The following PRKG1 variants were observed in gnomAD, a reference collection of about 807,000 sequenced individuals.
PRKG1 encodes protein kinase cGMP-dependent 1.
Under a neutral mutation model 88.1 loss-of-function variants are expected in PRKG1, and 35 were observed. That is an observed-to-expected ratio of 0.40 (90% CI 0.30 to 0.53). The LOEUF (loss-of-function observed/expected upper bound fraction) is 0.53, where lower values mean the gene tolerates loss of function less well. Ranked by LOEUF, PRKG1 falls within the 20% of genes least tolerant of loss-of-function variation. The pLI is 0.59. For missense variants in PRKG1, 540 were observed against 839.8 expected (o/e 0.64, Z 4.41); for synonymous variants, 303 against 292.5 (o/e 1.04, Z -0.37).
intron 9 of PRKG1, among the ~76,000 whole-genome samples, chr10:52,173,336 T>G (rs551453109): frequency 6.6e-6 from 1 of 152,318 alleles, no homozygotes; most frequent in African/African-American, 2.4e-5. Flanking sequence ...CAATTTTCTT[T>G]CGAATATGGC....
chr10:51,082,399 CTT>C (rs1272417393), intron 1 of PRKG1, among the ~76,000 whole-genome samples: 1 of 152,164 alleles, frequency 6.6e-6, no homozygotes, highest in Admixed American at 6.5e-5. Flanking sequence ...GGTTCCCAAA[CTT>C]TCCTGCGCAT....
chr10:51,098,424 G>A (rs1241713846), intron 1 of PRKG1, among the ~76,000 whole-genome samples: 1 of 152,134 alleles, frequency 6.6e-6, no homozygotes, highest in Non-Finnish European at 1.5e-5. Flanking sequence ...TGGGTTGTGA[G>A]TAACAGAACA....
intron 3 of PRKG1, chr10:51,697,993 C>T (rs1366835765): frequency 1.2e-6 from 2 of 1,611,744 alleles, no homozygotes; most frequent in South Asian, 1.1e-5. Flanking sequence ...TGCCTGCTCC[C>T]TGCATGCCTG....
At chr10:51,016,903 A>G (rs1283264455) in intron 1 of PRKG1, among the ~76,000 whole-genome samples, 1 of 151,168 alleles carries the variant, frequency 6.6e-6, no homozygotes, top group East Asian at 1.9e-4. Context: ...TCCTGACCTC[A>G]TGATCTGCCC....
chr10:51,676,461 C>CAAAAAAAA (rs375581966), intron 3 of PRKG1, among the ~76,000 whole-genome samples: 1 of 92,744 alleles, frequency 1.1e-5, no homozygotes, highest in Non-Finnish European at 2.4e-5. Flanking sequence ...CACCAATGCA[C>CAAAAAAAA]AAAAAAAAAA....
At chr10:51,259,092 C>T (rs1271754173) in intron 2 of PRKG1, among the ~76,000 whole-genome samples, 2 of 152,184 alleles carry the variant, frequency 1.3e-5, no homozygotes, top group Non-Finnish European at 2.9e-5. Flanking sequence ...TCTTAAGACA[C>T]ATTTACTATA....
chr10:51,718,398 G>A (rs866803148), intron 3 of PRKG1, among the ~76,000 whole-genome samples: 2 of 152,152 alleles, frequency 1.3e-5, no homozygotes, highest in South Asian at 4.1e-4. Context: ...CGGGGAAGGC[G>A]AGAGTAGGGA....
At chr10:51,845,532 A>C (rs541694276) in intron 4 of PRKG1, among the ~76,000 whole-genome samples, 9 of 152,302 alleles carry the variant, frequency 5.9e-5, no homozygotes, top group African/African-American at 2.2e-4. Context: ...TGTGGACATT[A>C]AATTGATAGC....
chr10:51,515,596 A>T (rs1378009156), intron 3 of PRKG1, among the ~76,000 whole-genome samples: 1 of 152,198 alleles, frequency 6.6e-6, no homozygotes, highest in African/African-American at 2.4e-5. Context: ...CAAGCATGTT[A>T]CTAAATTGTC....
intron 10 of PRKG1, among the ~76,000 whole-genome samples, chr10:52,266,638 G>A (rs951420218): frequency 6.6e-6 from 1 of 152,014 alleles, no homozygotes; most frequent in African/African-American, 2.4e-5. Context: ...GTGGGTTGCA[G>A]TCGGAACAAA....
At chr10:51,337,627 C>A (rs545188957) in intron 2 of PRKG1, among the ~76,000 whole-genome samples, 1 of 151,982 alleles carries the variant, frequency 6.6e-6, no homozygotes, top group Non-Finnish European at 1.5e-5. Context: ...GATATTCATG[C>A]GGCCCACAAA....
At chr10:51,380,579 C>T (rs55661728) in intron 2 of PRKG1, among the ~76,000 whole-genome samples, 2 of 152,062 alleles carry the variant, frequency 1.3e-5, no homozygotes, top group Non-Finnish European at 2.9e-5. Flanking sequence ...GCTGGCAGGT[C>T]ACCTGAGGTC....
intron 2 of PRKG1, among the ~76,000 whole-genome samples, chr10:51,387,289 A>G (rs1304074491): frequency 1.3e-5 from 2 of 150,250 alleles, no homozygotes; most frequent in African/African-American, 4.9e-5. Flanking sequence ...GTCCTCTTGA[A>G]ATGTTATATA....
intron 3 of PRKG1, among the ~76,000 whole-genome samples, chr10:51,585,768 C>T (rs1838156706): frequency 6.6e-6 from 1 of 152,134 alleles, no homozygotes; most frequent in African/African-American, 2.4e-5. Context: ...TGCATATACA[C>T]CATGGAATAC....
intron 1 of PRKG1, among the ~76,000 whole-genome samples, chr10:51,066,101 C>T (rs1843746572): frequency 6.6e-6 from 1 of 151,960 alleles, no homozygotes; most frequent in African/African-American, 2.4e-5. Context: ...AGAGAATTCC[C>T]ATTGGAAGCT....
At position 52,223,595 on chromosome 10, in the gene PRKG1, G is replaced by A. The variant is rs182785498; in HGVS notation, c.1077-27975G>A. On this transcript the variant is annotated intron_variant, in intron 9 of 17. Coordinates refer to ENST00000373980, the MANE Select transcript of PRKG1 (RefSeq NM_006258.4). The stretch of plus-strand genomic sequence containing the variant: ...CAGGTAGTCTCACAGCTTTCGATAC[G>A]CTCTACATGCTGACAAATTCCAGAT... 1.4e-3 allele frequency among the ~76,000 whole-genome samples: 210 copies of A among 152,132 alleles called. 1 individual carries two copies. Among genetic ancestry groups the A allele is most frequent in the South Asian group, 1.5e-3 (7 of 4,816 alleles).
intron 2 of PRKG1, among the ~76,000 whole-genome samples, chr10:51,366,579 ATC>A (rs2132598237): frequency 6.6e-6 from 1 of 152,004 alleles, no homozygotes; most frequent in South Asian, 2.1e-4. Flanking sequence ...TCCAGATTCT[ATC>A]TCTCTGTTAA....
chr10:51,833,527 C>T (rs993326892), intron 4 of PRKG1, among the ~76,000 whole-genome samples: 1 of 152,140 alleles, frequency 6.6e-6, no homozygotes, highest in African/African-American at 2.4e-5. Flanking sequence ...GGTAGTAGAG[C>T]TGCATGGAAA....
At chr10:51,876,967 A>G (rs2132870472) in intron 4 of PRKG1, among the ~76,000 whole-genome samples, 1 of 152,180 alleles carries the variant, frequency 6.6e-6, no homozygotes, top group Middle Eastern at 3.4e-3. Context: ...TTCCCTACCA[A>G]TGGTTATTGA....
Sources: gnomAD v4.1 joint callset for allele counts (sites outside exome capture counted in the v4.1 genomes callset) on GRCh38, gnomAD v4.1.1 for gene constraint, MANE v1.5 for transcripts, NCBI Gene and HGNC (gene_info 2026-07-23, HGNC 2026-07-21) for gene names.